The following FMNL2 variants were observed in gnomAD, a reference collection of about 807,000 sequenced individuals.
FMNL2 encodes the protein formin like 2.
Under a neutral mutation model 130.2 loss-of-function variants are expected in FMNL2, and 51 were observed. That is an observed-to-expected ratio of 0.39 (90% CI 0.31 to 0.49). The LOEUF (loss-of-function observed/expected upper bound fraction) is 0.49. Among genes scored for constraint, FMNL2 ranks in the 20% least tolerant of loss-of-function variants. The pLI, the probability that FMNL2 is intolerant of heterozygous loss-of-function variation, is 0.85. For synonymous variants in FMNL2, 465 were observed against 467.1 expected (o/e 1.00, Z 0.06); for missense variants, 977 against 1,316.2 (o/e 0.74, Z 3.99).
At chr2:152,485,130 G>A (rs893077653) in intron 1 of FMNL2, among the ~76,000 whole-genome samples, 1 of 152,200 alleles carries the variant, frequency 6.6e-6, no homozygotes, top group African/African-American at 2.4e-5. Context: ...AGGATTGCAT[G>A]AGCTTAGAAG....
intron 1 of FMNL2, among the ~76,000 whole-genome samples, chr2:152,515,808 A>G (rs1004522769): frequency 2.0e-5 from 3 of 152,194 alleles, no homozygotes; most frequent in African/African-American, 7.2e-5. Flanking sequence ...AGTGCCTGAG[A>G]CATACCAGTC....
chr2:152,498,069 G>C (rs74421089), intron 1 of FMNL2, among the ~76,000 whole-genome samples: 11,134 of 152,202 alleles, frequency 0.073, 655 homozygotes, highest in Admixed American at 0.21. Context: ...CTTAAGGTCA[G>C]ACCCACCCAG....
intron 1 of FMNL2, among the ~76,000 whole-genome samples, chr2:152,501,421 ATTCT>A (rs1378501332): frequency 6.6e-6 from 1 of 152,248 alleles, no homozygotes; most frequent in Admixed American, 6.5e-5. Context: ...TAAAAGCATA[ATTCT>A]TTATGAGCTG....
chr2:152,626,919 C>T (rs773345889), intron 17 of FMNL2, among the ~76,000 whole-genome samples, 192 bp downstream of exon 17: 4 of 152,150 alleles, frequency 2.6e-5, no homozygotes, highest in Admixed American at 6.5e-5. Context: ...GATGCCAACA[C>T]GAAAGAGGTA....
At position 152,619,158 on chromosome 2, in the gene FMNL2, G is replaced by A. The variant is rs1699103836; in HGVS notation, c.1627G>A (p.Val543Met). The A allele has an allele frequency of 6.5e-7, 1 of 1,548,666 alleles. No individual in the cohort carries two copies. The highest frequency in any genetic ancestry group is 2.3e-5 in the East Asian group (1 of 44,244). Residue 543 changes from valine (V) to methionine (M), a missense_variant and splice_region_variant, in exon 14 of 26, where the codon GTG becomes ATG. By Grantham distance (21) the Val-to-Met change is conservative. This residue lies in a region of FMNL2 where 689 missense variants were observed against 995.9 expected (regional missense o/e 0.69). Transcript: ENST00000288670. ...LPPSSDTPET[V>M]QNGPVTPPMP... ...TCCCTCATCAGACACACCTGAAACA[G>A]GTAAGAAGCCTTGGCAGGAGGACTG... is the stretch of plus-strand genomic sequence containing the variant.
intron 1 of FMNL2, among the ~76,000 whole-genome samples, chr2:152,348,818 G>GTTTTTTTTTTTT (rs1244621847): frequency 1.4e-5 from 1 of 71,828 alleles, no homozygotes; most frequent in African/African-American, 6.1e-5. Flanking sequence ...GCTTCTAAGG[G>GTTTTTTTTTTTT]TTTTTTTTTT....
intron 1 of FMNL2, among the ~76,000 whole-genome samples, chr2:152,347,102 AT>A (rs58322808): frequency 7.3e-5 from 11 of 151,048 alleles, no homozygotes; most frequent in African/African-American, 1.7e-4. Context: ...AAAAAAAAAA[AT>A]TTTTTTTTCA....
chr2:152,637,263 A>G (rs989008209), intron 22 of FMNL2, among the ~76,000 whole-genome samples: 20 of 152,318 alleles, frequency 1.3e-4, no homozygotes, highest in African/African-American at 4.8e-4. Flanking sequence ...TCCTGTAAGA[A>G]AGATTTCCTT....
At position 152,560,909 on chromosome 2, in the gene FMNL2, C is replaced by T. The variant is rs369477672; in HGVS notation, c.470C>T (p.Thr157Ile). 2 of 1,612,662 alleles carry T rather than the reference C, an allele frequency of 1.2e-6. No homozygotes were observed. Among genetic ancestry groups the T allele is most frequent in the Admixed American group, 1.7e-5 (1 of 59,854 alleles). Residue 157 changes from threonine (T) to isoleucine (I), a missense_variant, in exon 6 of 26, where the codon ACT (threonine) becomes ATT (isoleucine). Physicochemically the swap from Thr to Ile is moderately conservative, Grantham distance 89 (BLOSUM62 -1). Coordinates refer to ENST00000288670, the MANE Select transcript of FMNL2 (RefSeq NM_052905.4). ...VTFDFESVES[T>I]VESSVDKSKP... ...TTTGACTTTGAAAGTGTGGAGAGTA[C>T]TGTGGAGAGCTCGGTGGACAAATCA...
rs1048620832 is a variant in FMNL2, at chr2:152,648,691, T to C, written c.*786T>C. The C allele has an allele frequency of 8.5e-5, 13 of 152,658 alleles. No individual in the cohort carries two copies. The highest frequency in any genetic ancestry group is 3.1e-4 in the African/African-American group (13 of 41,454). The allele number at this position is 152,658 out of a possible 1,614,324, so 9.5% of individuals were successfully genotyped here. ...CATTATTAATTCTGAGAACAGAAATTGGTGCCTTGCAAGGAAGTTTACTAG... is the reference window on the plus strand; with the variant it reads ...CATTATTAATTCTGAGAACAGAAATCGGTGCCTTGCAAGGAAGTTTACTAG... On this transcript the variant is annotated 3_prime_UTR_variant, in exon 26 of 26. Transcript: ENST00000288670.
At position 152,640,845 on chromosome 2, in the gene FMNL2, AGAC is replaced by A. The variant is rs780089086; in HGVS notation, c.3104_3106del (p.Arg1035del). ...GCAAGAGTTAATTGCAGAATTAAGAAGACGACAAGTTAAAGATAACAGACATGT... is the reference window on the plus strand; with the variant it reads ...GCAAGAGTTAATTGCAGAATTAAGAAGACAAGTTAAAGATAACAGACATGT... On this transcript the variant is annotated inframe_deletion, in exon 25 of 26. Coordinates refer to ENST00000288670, the MANE Select transcript of FMNL2 (RefSeq NM_052905.4). 7.4e-6 allele frequency: 12 copies of A among 1,613,926 alleles called. No individual in the cohort carries two copies. The highest frequency in any genetic ancestry group is 1.0e-5 in the Non-Finnish European group (12 of 1,179,832).
intron 15 of FMNL2, among the ~76,000 whole-genome samples, chr2:152,620,646 C>G (rs113829840): frequency 0.035 from 5,347 of 152,264 alleles, 144 homozygotes; most frequent in Non-Finnish European, 0.054. Context: ...TGATAGTTCT[C>G]AGAGCCTTTT....
intron 9 of FMNL2, among the ~76,000 whole-genome samples, chr2:152,606,629 C>CTTTTTTTTTTTTTTTTTTTTTTTTGTTT (rs70974875): frequency 9.5e-6 from 1 of 105,480 alleles, no homozygotes; most frequent in Non-Finnish European, 1.9e-5. Flanking sequence ...TTTTTTGACT[C>CTTTTTTTTTTTTTTTTTTTTTTTTGTTT]TTTTTTTTTT....
At chr2:152,499,615 T>G (rs113770754) in intron 1 of FMNL2, among the ~76,000 whole-genome samples, 2 of 152,348 alleles carry the variant, frequency 1.3e-5, no homozygotes, top group African/African-American at 4.8e-5. Context: ...GTGTAGGCTT[T>G]TTTCAAGGTA....
rs549642266 is a variant in FMNL2, at chr2:152,410,758, C to T, written c.117+75038C>T. On this transcript the variant is annotated intron_variant, in intron 1 of 25. Transcript: ENST00000288670. ...ATTCCCTTAACATAAACTTATTCTTCTGGGTAAAAAAGTGAATCCTATCCC... is the reference window on the plus strand; with the variant it reads ...ATTCCCTTAACATAAACTTATTCTTTTGGGTAAAAAAGTGAATCCTATCCC... Among the ~76,000 whole-genome samples the T allele has an allele frequency of 2.2e-3, 331 of 152,288 alleles. 2 individuals carry two copies. Among genetic ancestry groups the T allele is most frequent in the African/African-American group, 7.7e-3 (322 of 41,566 alleles).
chr2:152,547,766 G>C (rs1558954209), intron 3 of FMNL2, among the ~76,000 whole-genome samples: 1 of 152,184 alleles, frequency 6.6e-6, no homozygotes, highest in Admixed American at 6.5e-5. Flanking sequence ...GCAGAGGAGA[G>C]AGGTCCTTTA....
At chr2:152,529,243 C>G (rs1693563958) in intron 2 of FMNL2, among the ~76,000 whole-genome samples, 1 of 152,026 alleles carries the variant, frequency 6.6e-6, no homozygotes, top group South Asian at 2.1e-4. Context: ...GAGTGTGGAT[C>G]TGAGTTTTCC....
intron 25 of FMNL2, among the ~76,000 whole-genome samples, chr2:152,647,517 A>G (rs578064355): frequency 1.3e-5 from 2 of 152,262 alleles, no homozygotes; most frequent in South Asian, 2.1e-4. Context: ...ACATTTCAAA[A>G]TAAGACTTCA....
intron 1 of FMNL2, among the ~76,000 whole-genome samples, chr2:152,371,340 A>G (rs1293383410): frequency 6.7e-6 from 1 of 150,134 alleles, no homozygotes; most frequent in Non-Finnish European, 1.5e-5. Flanking sequence ...TGTCAGTGCT[A>G]TGGTTTGAAT....
Sources: gnomAD v4.1 joint callset for allele counts (sites outside exome capture counted in the v4.1 genomes callset) on GRCh38, gnomAD v4.1.1 for gene constraint, gnomAD v4.1.1 regional missense constraint, MANE v1.5 for transcripts, NCBI Gene and HGNC (gene_info 2026-07-23, HGNC 2026-07-21) for gene names.